Variants in SLC41A3 observed in about 807,000 individuals in gnomAD.
SLC41A3 encodes the protein SLC41A1-like 2.
A neutral mutation model predicts 45.4 loss-of-function variants in SLC41A3; 44 were observed. The ratio of observed to expected loss-of-function variants is 0.97; its 90% confidence interval spans 0.76 to 1.25. The LOEUF is 1.25. SLC41A3 is among the 50% of genes most tolerant of loss of function. The pLI is 0.00. For synonymous variants in SLC41A3, 256 were observed against 252.4 expected, an observed-to-expected ratio of 1.01 and a Z score of -0.13; for missense variants, 550 against 600.6, an observed-to-expected ratio of 0.92 and a Z score of 0.88.
chr3:126,092,418 T>C (rs1414491273), intron 1 of SLC41A3: 2 of 152,244 alleles, frequency 1.3e-5, no homozygotes, highest in African/African-American at 4.8e-5. Context: ...AATATATCTA[T>C]AGAAACAATG....
rs569798473 is a variant in SLC41A3 at position 126,068,923 on chromosome 3, G to A, written c.-27-677C>T. Among the ~76,000 whole-genome samples, 3 of 152,226 alleles carry A rather than the reference G, an allele frequency of 2.0e-5. No homozygotes were observed. The South Asian group carries it at 6.2e-4, about 32-fold the overall frequency. On this transcript the variant is annotated intron_variant, in intron 1 of 10. Transcript: ENST00000360370. ...CCTGGTGCAAAACCTTTTGCCCTGG[G>A]AGAAGTTAGTAGAAAACAATTATAG...
chr3:126,059,298 G>GAAAGA lies in SLC41A3; in HGVS notation c.274-8253_274-8249dup, dbSNP rs1559869989. ...AGAAAGAAAGAAAGAAAGAAAGAAA[G>GAAAGA]AAAGAAAGAAAGGAAGGATGATCTG... is the stretch of plus-strand genomic sequence containing the variant. On this transcript the variant is annotated intron_variant, in intron 2 of 10. Transcript: ENST00000360370. 6.1e-4 allele frequency among the ~76,000 whole-genome samples: 78 copies of GAAAGA among 126,940 alleles called. 1 individual carries two copies. The highest frequency in any genetic ancestry group is 4.1e-3 in the Middle Eastern group (1 of 246). The allele number at this position is 126,940 out of a possible 152,430, so 83.3% of individuals were successfully genotyped here. A position where few individuals can be genotyped will look rare whatever the true frequency, so the allele number is the denominator to read the frequency against.
intron 7 of SLC41A3, 33 bp from the exon 8 acceptor site, chr3:126,015,606 A>C (rs756652688): frequency 1.2e-6 from 2 of 1,608,088 alleles, no homozygotes; most frequent in Admixed American, 3.3e-5. Context: ...TCAAGTTATC[A>C]GAGTTTACAC....
rs766799620 is a variant in SLC41A3, at chr3:126,007,109, A to T, written c.1371T>A (p.Thr457=). Residue 457 remains threonine, a synonymous_variant, in exon 11 of 11, where the codon ACT becomes ACA. Coordinates refer to ENST00000360370, the MANE Select transcript of SLC41A3 (RefSeq NM_017836.4). ...YLTGLGDLLG[T]GLLALCFFTD... The stretch of plus-strand genomic sequence containing the variant: ...TGAAAAAGCAGAGTGCCAGGAGGCC[A>T]GTACCGAGCAGGTCCCCCAGCCCTG... 2 of 1,614,226 alleles carry T rather than the reference A, an allele frequency of 1.2e-6. No individual in the cohort carries two copies. The highest frequency in any genetic ancestry group is 3.3e-5 in the Admixed American group (2 of 60,026).
At chr3:126,042,000 C>T (rs1177036989) in intron 3 of SLC41A3, among the ~76,000 whole-genome samples, 1 of 152,142 alleles carries the variant, frequency 6.6e-6, no homozygotes, top group Non-Finnish European at 1.5e-5. Flanking sequence ...GGAGGAACCA[C>T]CTAATCCTAG....
At position 126,099,874 on chromosome 3, in the gene SLC41A3, G is replaced by A. The variant is rs545272075; in HGVS notation, c.-79+1555C>T. 4.6e-5 allele frequency among the ~76,000 whole-genome samples: 7 copies of A among 152,304 alleles called. No individual in the cohort carries two copies. The East Asian group carries it at 9.6e-4, about 21-fold the overall frequency. On this transcript the variant is annotated intron_variant, in intron 1 of 9. Transcript: ENST00000508835. ...CAGCCCTGAGCTCTCAGTAGCTTAT[G>A]ACAGCAAGGATTAATTTCTTGGTCC...
At chr3:126,014,215 C>CAG (rs1344105244) in intron 8 of SLC41A3, among the ~76,000 whole-genome samples, 1 of 152,006 alleles carries the variant, frequency 6.6e-6, no homozygotes, top group Non-Finnish European at 1.5e-5. Context: ...TGTCTTCAGG[C>CAG]AGAGGACTGC....
At chr3:126,033,781 C>A in intron 3 of SLC41A3, 103 bp from the exon 4 acceptor site, 1 of 1,221,856 alleles carries the variant, frequency 8.2e-7, no homozygotes, top group South Asian at 1.4e-5. Flanking sequence ...CAACAAATAC[C>A]ATTTCATCAG....
rs749318430 is a variant in SLC41A3, at chr3:126,006,403, A to C, written c.*613T>G. On this transcript the variant is annotated 3_prime_UTR_variant, in exon 11 of 11. Coordinates refer to ENST00000360370, the MANE Select transcript of SLC41A3 (RefSeq NM_017836.4). ...TTATTTTACACTTCTCTGATTATTG[A>C]AATCTAAATAGAGGTTTTTGCTAAC... 1.2e-6 allele frequency: 2 copies of C among 1,608,770 alleles called. No individual in the cohort carries two copies. Among genetic ancestry groups the C allele is most frequent in the Admixed American group, 3.4e-5 (2 of 58,808 alleles).
At chr3:126,072,630 G>A (rs1944679377) in intron 1 of SLC41A3, among the ~76,000 whole-genome samples, 1 of 152,230 alleles carries the variant, frequency 6.6e-6, no homozygotes, top group Non-Finnish European at 1.5e-5. Context: ...AGATGCTGGT[G>A]AGGTTGTAGA....
intron 1 of SLC41A3, among the ~76,000 whole-genome samples, chr3:126,096,987 T>A (rs140465077): frequency 1.6e-3 from 239 of 152,278 alleles, no homozygotes; most frequent in African/African-American, 5.5e-3. Context: ...AGAAAAGGAA[T>A]GGAAGTTTAT....
rs745970543 is a variant in SLC41A3, at chr3:126,015,524, C to A, written c.940G>T (p.Gly314Cys). The change falls in exon 8 of 11, where the codon GGC becomes TGC. Residue 314 changes from glycine (G) to cysteine (C), a missense_variant. By Grantham distance (159) the Gly-to-Cys change is radical. Transcript: ENST00000360370. ...SKTVSKQQYKGMAIFTPVICG... is the reference protein window; with the variant it reads ...SKTVSKQQYKCMAIFTPVICG... ...ATGACGGGGGTAAATATCGCCATGC[C>A]TTTGTACTGCTGTTTAGAAACGGTT... The A allele has an allele frequency of 1.2e-5, 20 of 1,614,210 alleles. No individual in the cohort carries two copies. Among genetic ancestry groups the A allele is most frequent in the Non-Finnish European group, 1.7e-5 (20 of 1,180,030 alleles).
chr3:126,048,127 T>C (rs1943084642), intron 3 of SLC41A3, among the ~76,000 whole-genome samples: 1 of 152,206 alleles, frequency 6.6e-6, no homozygotes, highest in African/African-American at 2.4e-5. Context: ...CATGAAAAGA[T>C]GCTCACCATC....
intron 3 of SLC41A3, among the ~76,000 whole-genome samples, chr3:126,035,566 A>G (rs556570163): frequency 9.8e-5 from 15 of 152,364 alleles, no homozygotes; most frequent in Admixed American, 4.6e-4. Flanking sequence ...CACTACAGGG[A>G]TAACTGAGGG....
Position 126,067,927 on chromosome 3 carries a change from C to A in SLC41A3, c.273+20G>T. ...GTTCGGCAGTGCCCCGCTCCCTGTC[C>A]CCATTTAGTTCCCTCTTACCTGGAA... On this transcript the variant is annotated intron_variant, in intron 2 of 10. Transcript: ENST00000360370. 1 of 1,565,266 alleles carries A rather than the reference C, an allele frequency of 6.4e-7. No homozygotes were observed. Among genetic ancestry groups the A allele is most frequent in the Non-Finnish European group, 8.7e-7 (1 of 1,155,528 alleles).
chr3:126,059,313 A>AAGAAAGAAAGAAAGAAAGAAAGAAAGGAT (rs1576331901), intron 2 of SLC41A3, among the ~76,000 whole-genome samples: 2 of 135,478 alleles, frequency 1.5e-5, no homozygotes, highest in Admixed American at 7.1e-5. Flanking sequence ...AAAGAAAGGA[A>AAGAAAGAAAGAAAGAAAGAAAGAAAGGAT]GGATGATCTG....
upstream of SLC41A3, among the ~76,000 whole-genome samples, chr3:126,089,273 C>CT (rs913198362): frequency 4.6e-5 from 7 of 152,210 alleles, no homozygotes; most frequent in Non-Finnish European, 8.8e-5. Context: ...CAGCTTGCTG[C>CT]TAGGAACCCA....
chr3:126,036,879 T>G (rs1393871409), intron 3 of SLC41A3, among the ~76,000 whole-genome samples: 1 of 152,186 alleles, frequency 6.6e-6, no homozygotes, highest in Non-Finnish European at 1.5e-5. Context: ...ACATTTTATT[T>G]GGGAATAATT....
rs1939199452 is a variant in SLC41A3, at chr3:126,007,243, A to C, written c.1255-18T>G. The C allele has an allele frequency of 6.2e-7, 1 of 1,611,816 alleles. No individual in the cohort carries two copies. The highest frequency in any genetic ancestry group is 1.7e-5 in the Admixed American group (1 of 59,742). ...ATTGTCACCTGTCAGAAGGGCAAAG[A>C]GACACAAAAGAAGACCAAGTCAGAA... On this transcript the variant is annotated intron_variant, in intron 10 of 10. Transcript: ENST00000360370.
Sources: allele counts gnomAD v4.1 joint callset (sites outside exome capture counted in the v4.1 genomes callset), GRCh38; gene constraint gnomAD v4.1.1; transcripts MANE v1.5; gene names NCBI Gene and HGNC (gene_info 2026-07-23, HGNC 2026-07-21).